NSUN2: variants seen among roughly 807,000 people sequenced by gnomAD.
The protein encoded by NSUN2 is NOP2/Sun RNA methyltransferase 2.
A neutral mutation model predicts 92.7 loss-of-function variants in NSUN2; 63 were observed. The ratio of observed to expected loss-of-function variants is 0.68; its 90% CI spans 0.56 to 0.84. The LOEUF is 0.84. Ranked by LOEUF, NSUN2 falls within the 40% of genes least tolerant of loss-of-function variation. The probability of loss-of-function intolerance (pLI) is 0.00; values close to 1 mark genes in which losing one functional copy is unlikely to be tolerated. For synonymous variants in NSUN2, 356 were observed against 348.3 expected (o/e 1.02, Z -0.25); for missense variants, 989 against 964.9 (o/e 1.02, Z -0.33).
In NSUN2 at chr5:6,620,155, T is replaced by G; in HGVS notation, c.766A>C (p.Arg256=). Residue 256 remains arginine (R), a synonymous_variant, in exon 7 of 19, where the codon AGG becomes CGG. Coordinates refer to ENST00000264670, the MANE Select transcript of NSUN2 (RefSeq NM_017755.6). The part of the protein sequence containing the change: ...IPRLQIDVDG[R]KEILFYDRIL... ...CGATCATAGAAGAGGATCTCTTTCC[T>G]GCCGTCCACATCTATCTGGAGCCTG... 1 of 1,610,750 alleles carries G rather than the reference T, an allele frequency of 6.2e-7. No homozygotes were observed. The highest frequency in any genetic ancestry group is 2.2e-5 in the East Asian group (1 of 44,616).
chr5:6,607,323 T>C lies in NSUN2; in HGVS notation c.1385A>G (p.Glu462Gly). The C allele has an allele frequency of 8.1e-6, 13 of 1,614,182 alleles. No homozygotes were observed. Among genetic ancestry groups the C allele is most frequent in the Non-Finnish European group, 6.8e-6 (8 of 1,180,024 alleles). Residue 462 changes from glutamate to glycine, a missense_variant, in exon 13 of 19, where the codon GAA becomes GGA. This residue lies in a region of NSUN2 where 626 missense variants were observed against 602.3 expected (regional missense o/e 1.04). Coordinates refer to ENST00000264670, the MANE Select transcript of NSUN2 (RefSeq NM_017755.6). ...CTTAGAGGGATCTGTGGGTTTCCCT[T>C]CTGTGAGATCTGCAGGGCTCAGCTG... ...STQLSPADLT[E>G]GKPTDPSKLE...
rs776480888 is a variant in NSUN2, at chr5:6,632,645, G to C, written c.208C>G (p.Leu70Val). The C allele has an allele frequency of 6.2e-7, 1 of 1,614,168 alleles. No homozygotes were observed. Among genetic ancestry groups the C allele is most frequent in the Non-Finnish European group, 8.5e-7 (1 of 1,180,042 alleles). Residue 70 changes from leucine (L) to valine (V), a missense_variant, in exon 2 of 19, where the codon CTC (leucine) becomes GTC (valine). Leu to Val is a conservative substitution (Grantham distance 32). Transcript: ENST00000264670. ...AAAGTGGCCGGGAGCGGCTCCCTGA[G>C]AGCGTCCATGAACTGGCCCCACTCG... ...EGEWGQFMDA[L>V]REPLPATLRI...
chr5:6,628,379 T>C (rs1014554129), intron 3 of NSUN2, among the ~76,000 whole-genome samples: 2 of 151,974 alleles, frequency 1.3e-5, no homozygotes, highest in Non-Finnish European at 2.9e-5. Context: ...ATAAATAGAA[T>C]GATAATAAGG....
At chr5:6,620,000 A>C (rs1191218817) in intron 7 of NSUN2, 106 bp downstream of exon 7, 10 of 986,570 alleles carry the variant, frequency 1.0e-5, no homozygotes, top group Non-Finnish European at 1.3e-5. Context: ...TCCGCACCCC[A>C]AGACTTATGT....
intron 3 of NSUN2, among the ~76,000 whole-genome samples, chr5:6,629,698 C>G (rs1233950784): frequency 6.6e-6 from 1 of 152,174 alleles, no homozygotes; most frequent in Non-Finnish European, 1.5e-5. Context: ...CCCAATTTCA[C>G]CTTGAATTGT....
rs146035193 is a variant in NSUN2, at chr5:6,620,125, A to G, written c.796T>C (p.Leu266=). 8.8e-6 allele frequency: 14 copies of G among 1,599,010 alleles called. No homozygotes were observed. In the African/African-American group the frequency reaches 1.1e-4, roughly 12 times the overall value. ...RKEILFYDRI[L]CDVPCSGDGT... is the part of the protein sequence containing the mutation. The stretch of plus-strand genomic sequence containing the variant: ...AAATACCTGCAAGGGACATCACATA[A>G]AATTCGATCATAGAAGAGGATCTCT... The change falls in exon 7 of 19, where the codon TTA becomes CTA. Residue 266 remains leucine (L), a synonymous_variant. Coordinates refer to ENST00000264670, the MANE Select transcript of NSUN2 (RefSeq NM_017755.6).
At position 6,610,988 on chromosome 5, in the gene NSUN2, G is replaced by A; in HGVS notation, c.1193C>T (p.Pro398Leu). 6.2e-7 allele frequency: 1 copy of A among 1,614,162 alleles called. No homozygotes were observed. Among genetic ancestry groups the A allele is most frequent in the South Asian group, 1.1e-5 (1 of 91,078 alleles). The part of the protein sequence containing the change: ...IRPTMFPPKD[P>L]EKLQAMHLER... ...CAGGTGCATGGCCTGCAGCTTTTCTGGGTCCTTCGGAGGGAACATGGTAGG... is the reference window on the plus strand; with the variant it reads ...CAGGTGCATGGCCTGCAGCTTTTCTAGGTCCTTCGGAGGGAACATGGTAGG... Residue 398 changes from proline (P) to leucine (L), a missense_variant, in exon 11 of 19, where the codon CCA becomes CTA. Physicochemically the swap from Pro to Leu is moderately conservative, Grantham distance 98 (BLOSUM62 -3). This residue lies in a region of NSUN2 where 626 missense variants were observed against 602.3 expected (regional missense o/e 1.04). Coordinates refer to ENST00000264670, the MANE Select transcript of NSUN2 (RefSeq NM_017755.6).
chr5:6,619,540 C>G (rs1046347881), intron 7 of NSUN2, among the ~76,000 whole-genome samples: 12 of 152,134 alleles, frequency 7.9e-5, no homozygotes, highest in African/African-American at 2.7e-4. Flanking sequence ...CTCAGTTATA[C>G]CATGAGTATT....
chr5:6,615,841 A>G (rs1737188021), intron 9 of NSUN2, among the ~76,000 whole-genome samples: 1 of 152,258 alleles, frequency 6.6e-6, no homozygotes, highest in African/African-American at 2.4e-5. Context: ...TTCTGGCAAA[A>G]CATAAAAGGA....
At chr5:6,631,787 G>C (rs1737908780) in intron 3 of NSUN2, 86 bp downstream of exon 3, 1 of 1,003,062 alleles carries the variant, frequency 1.0e-6, no homozygotes, top group South Asian at 1.4e-5. Flanking sequence ...CTCTTTAACA[G>C]CAAATGCAGT....
At chr5:6,601,549 C>G (rs1217305677) in intron 18 of NSUN2, among the ~76,000 whole-genome samples, 1 of 152,044 alleles carries the variant, frequency 6.6e-6, no homozygotes, top group Non-Finnish European at 1.5e-5. Flanking sequence ...GCCGGACAGC[C>G]TGAACCCTGA....
chr5:6,611,805 A>G lies in NSUN2; in HGVS notation c.1022-7T>C. The G allele has an allele frequency of 1.2e-6, 2 of 1,614,040 alleles. No individual in the cohort carries two copies. Among genetic ancestry groups the G allele is most frequent in the Non-Finnish European group, 1.7e-6 (2 of 1,179,896 alleles). On this transcript the variant is annotated splice_polypyrimidine_tract_variant and splice_region_variant and intron_variant, in intron 9 of 18. Coordinates refer to ENST00000264670, the MANE Select transcript of NSUN2 (RefSeq NM_017755.6). The stretch of plus-strand genomic sequence containing the variant: ...TCAGCAAGCTCCAAAGCACCTGTGC[A>G]GCAAAAGCATGGACGTCTTTTGTTT...
chr5:6,632,014 A>C (rs1181490533), intron 2 of NSUN2, 37 bp from the exon 3 acceptor site: 1 of 1,478,014 alleles, frequency 6.8e-7, no homozygotes, highest in Non-Finnish European at 9.4e-7. Flanking sequence ...CTGATCTAAA[A>C]AACTAAGTTA....
Position 6,617,893 on chromosome 5 carries a change from TA to T in NSUN2, c.890+56del. 7 of 1,371,822 alleles carry T rather than the reference TA, an allele frequency of 5.1e-6. No individual in the cohort carries two copies. In the South Asian group the frequency reaches 8.7e-5, roughly 17 times the overall value. The allele number at this position is 1,371,822 out of a possible 1,614,324, so 85.0% of individuals were successfully genotyped here. A position where few individuals can be genotyped will look rare whatever the true frequency, so the allele number is the denominator to read the frequency against. On this transcript the variant is annotated intron_variant, in intron 8 of 18. Transcript: ENST00000264670. ...GATCGGATGCTCACTTGCATAACAA[TA>T]AATCTCTGCTGATCTACTTGTCACA...
chr5:6,623,107 G>C, intron 5 of NSUN2, 107 bp downstream of exon 5: 1 of 799,246 alleles, frequency 1.3e-6, no homozygotes, highest in African/African-American at 1.8e-5. Flanking sequence ...GTGAAAAGAA[G>C]AAAAAAAGGA....
chr5:6,613,395 C>T (rs1488693485), intron 9 of NSUN2, among the ~76,000 whole-genome samples: 1 of 152,230 alleles, frequency 6.6e-6, no homozygotes, highest in Non-Finnish European at 1.5e-5. Flanking sequence ...TTAAAACCCA[C>T]TGGCCAAACG....
At chr5:6,607,798 G>A (rs933946976) in intron 12 of NSUN2, among the ~76,000 whole-genome samples, 3 of 152,176 alleles carry the variant, frequency 2.0e-5, no homozygotes, top group Admixed American at 6.5e-5. Flanking sequence ...CGAGAAAGGA[G>A]GGTATGAATT....
chr5:6,604,145 C>G lies in NSUN2; in HGVS notation c.1950G>C (p.Lys650Asn), dbSNP rs760188590. The G allele has an allele frequency of 4.3e-6, 7 of 1,613,092 alleles. No individual in the cohort carries two copies. Among genetic ancestry groups the G allele is most frequent in the Non-Finnish European group, 5.9e-6 (7 of 1,179,694 alleles). ...KLSSETYSQA[K>N]DLAKGSIVLK... ...GCATTTCCAACTACTCACCCAGGTCCTTTGCTTGACTGTAGGTCTCACTGC... is the reference window on the plus strand; with the variant it reads ...GCATTTCCAACTACTCACCCAGGTCGTTTGCTTGACTGTAGGTCTCACTGC... Residue 650 changes from lysine (K) to asparagine (N), a missense_variant, in exon 17 of 19, where the codon AAG becomes AAC. By Grantham distance (94) the Lys-to-Asn change is moderately conservative. Coordinates refer to ENST00000264670, the MANE Select transcript of NSUN2 (RefSeq NM_017755.6).
At position 6,600,217 on chromosome 5, in the gene NSUN2, C is replaced by T. The variant is rs1228483784; in HGVS notation, c.2013G>A (p.Leu671=). ...ATCCGCATAAGACGATGGGACACTG[C>T]AGAGCGTCTGGATTCCTACAAGTGA... The part of the protein sequence containing the change: ...YEPDSANPDA[L]QCPIVLCGWR... The change falls in exon 19 of 19, where the codon CTG becomes CTA. Residue 671 remains leucine (L), a synonymous_variant. Coordinates refer to ENST00000264670, the MANE Select transcript of NSUN2 (RefSeq NM_017755.6). 6.2e-6 allele frequency: 10 copies of T among 1,613,428 alleles called. No homozygotes were observed. In the East Asian group the frequency reaches 2.2e-4, roughly 36 times the overall value.
Sources: gnomAD v4.1 joint callset for allele counts (sites outside exome capture counted in the v4.1 genomes callset) on GRCh38, gnomAD v4.1.1 for gene constraint, gnomAD v4.1.1 regional missense constraint, MANE v1.5 for transcripts, NCBI Gene and HGNC (gene_info 2026-07-23, HGNC 2026-07-21) for gene names.